Variants in ZNF883 observed in about 807,000 individuals in gnomAD.
The protein encoded by ZNF883 is zinc finger protein 883.
upstream of ZNF883, among the ~76,000 whole-genome samples, chr9:112,999,970 C>G (rs1828407412): frequency 6.6e-6 from 1 of 152,130 alleles, no homozygotes; most frequent in Non-Finnish European, 1.5e-5. Context: ...TTGAGGCTAT[C>G]TAGGGGCCCT....
intron 2 of ZNF883, among the ~76,000 whole-genome samples, chr9:113,004,146 C>G (rs1281452357): frequency 6.6e-6 from 1 of 152,242 alleles, no homozygotes; most frequent in African/African-American, 2.4e-5. Context: ...CAGAGTTACG[C>G]AGCTGAAAGC....
intron 1 of ZNF883, among the ~76,000 whole-genome samples, chr9:112,991,242 C>A (rs1050737555): frequency 6.6e-6 from 1 of 151,966 alleles, no homozygotes; most frequent in African/African-American, 2.4e-5. Flanking sequence ...ATAAATTTTC[C>A]TTTTAACATT....
intron 1 of ZNF883, among the ~76,000 whole-genome samples, chr9:112,989,858 G>C (rs1467901466): frequency 6.6e-6 from 1 of 152,084 alleles, no homozygotes; most frequent in Non-Finnish European, 1.5e-5. Flanking sequence ...TGTATTCCTA[G>C]GTATTTTATT....
At chr9:113,002,107 G>A (rs1230449508), upstream of ZNF883, 1 of 152,150 alleles carries the variant, frequency 6.6e-6, no homozygotes, top group Non-Finnish European at 1.5e-5. Context: ...CTCATTAAAG[G>A]ATCAGTCCTG....
chr9:112,997,518 G>T (rs756546653), exon 1 of ZNF883: 1 of 1,614,112 alleles, frequency 6.2e-7, no homozygotes, highest in Non-Finnish European at 8.5e-7. Flanking sequence ...TGTGCACTCC[G>T]ATTGAAGGCC....
chr9:112,991,575 A>G (rs1371741180), intron 1 of ZNF883, among the ~76,000 whole-genome samples: 1 of 150,238 alleles, frequency 6.7e-6, no homozygotes, highest in African/African-American at 2.5e-5. Flanking sequence ...TTTTTGGTGG[A>G]GAGTTCTGTA....
upstream of ZNF883, among the ~76,000 whole-genome samples, chr9:113,001,530 A>T (rs1828424047): frequency 6.6e-6 from 1 of 152,102 alleles, no homozygotes; most frequent in South Asian, 2.1e-4. Flanking sequence ...TAAAATACAG[A>T]CGAGGGGCTC....
downstream of ZNF883, among the ~76,000 whole-genome samples, chr9:112,992,636 T>C (rs1233058535): frequency 4.6e-5 from 7 of 152,154 alleles, no homozygotes; most frequent in Non-Finnish European, 1.0e-4. Context: ...TCTTGTTAGG[T>C]TGGGGAAGTT....
chr9:112,996,952 C>CT (rs1564332098), downstream of ZNF883, among the ~76,000 whole-genome samples: 2 of 151,658 alleles, frequency 1.3e-5, no homozygotes, highest in African/African-American at 4.8e-5. Context: ...TCAATAACAC[C>CT]TTTTTTAGAT....
chr9:113,002,573 G>T (rs531526008), upstream of ZNF883, among the ~76,000 whole-genome samples: 1 of 152,232 alleles, frequency 6.6e-6, no homozygotes, highest in African/African-American at 2.4e-5. Flanking sequence ...TAATATATCT[G>T]TAAATTTTAC....
chr9:112,993,389 G>C (rs913219254), downstream of ZNF883, among the ~76,000 whole-genome samples: 2 of 152,206 alleles, frequency 1.3e-5, no homozygotes, highest in African/African-American at 4.8e-5. Context: ...CACCAGTGGA[G>C]GCTGGAAAAT....
At chr9:113,005,975 T>C (rs1035199025) in intron 2 of ZNF883, among the ~76,000 whole-genome samples, 1 of 151,798 alleles carries the variant, frequency 6.6e-6, no homozygotes, top group Non-Finnish European at 1.5e-5. Context: ...TACAAGACAA[T>C]GAGTCATATG....
intron 1 of ZNF883, among the ~76,000 whole-genome samples, chr9:112,991,367 G>T (rs530929851): frequency 2.0e-4 from 31 of 152,226 alleles, no homozygotes; most frequent in Non-Finnish European, 3.8e-4. Flanking sequence ...GGAGAAGGTT[G>T]TTCAATTTCC....
intron 2 of ZNF883, among the ~76,000 whole-genome samples, chr9:113,010,750 G>A (rs1434824068): frequency 6.6e-6 from 1 of 152,144 alleles, no homozygotes; most frequent in African/African-American, 2.4e-5. Context: ...CACTTTGGGA[G>A]GCTGAGGTGG....
At chr9:113,004,132 A>G (rs1206044114) in intron 2 of ZNF883, among the ~76,000 whole-genome samples, 1 of 152,244 alleles carries the variant, frequency 6.6e-6, no homozygotes, top group East Asian at 1.9e-4. Context: ...GAAAGAGCAG[A>G]GAACAGAGTT....
At chr9:113,001,725 A>G (rs1406914176), upstream of ZNF883, among the ~76,000 whole-genome samples, 3 of 152,074 alleles carry the variant, frequency 2.0e-5, no homozygotes, top group Admixed American at 6.6e-5. Flanking sequence ...TTTGTTATCT[A>G]TTTATATGGT....
intron 1 of ZNF883, among the ~76,000 whole-genome samples, chr9:112,988,415 G>T (rs1828272791): frequency 6.6e-6 from 1 of 152,160 alleles, no homozygotes; most frequent in South Asian, 2.1e-4. Context: ...TTCTGTTCCT[G>T]TGTTAGTTTG....
At chr9:112,994,306 C>A (rs765417265), downstream of ZNF883, among the ~76,000 whole-genome samples, 2 of 151,716 alleles carry the variant, frequency 1.3e-5, no homozygotes, top group Non-Finnish European at 2.9e-5. Flanking sequence ...CCTCACTCTC[C>A]GTGCTTTTCC....
chr9:113,006,159 C>A (rs796268628), intron 2 of ZNF883, among the ~76,000 whole-genome samples: 5 of 151,598 alleles, frequency 3.3e-5, no homozygotes, highest in African/African-American at 1.2e-4. Flanking sequence ...AAGCGACCTT[C>A]CCTGCTCATT....
Sources: gnomAD v4.1 joint callset for allele counts (sites outside exome capture counted in the v4.1 genomes callset) on GRCh38, gnomAD v4.1.1 for gene constraint, MANE v1.5 for transcripts, NCBI Gene and HGNC (gene_info 2026-07-23, HGNC 2026-07-21) for gene names.